ITPR2: variants seen among roughly 807,000 people sequenced by gnomAD.
ITPR2 encodes the protein inositol 1,4,5-trisphosphate-gated calcium channel ITPR2.
In ITPR2, 207 loss-of-function variants were observed where a neutral mutation model predicts 317.1. The ratio of observed to expected loss-of-function variants is 0.65; its 90% CI spans 0.58 to 0.73. The LOEUF is 0.73. Ranked by LOEUF, ITPR2 falls within the 30% of genes least tolerant of loss-of-function variation. ITPR2 has a pLI of 0.00. For missense variants in ITPR2, 2,613 were observed against 3,284.0 expected, an observed-to-expected ratio of 0.80 and a Z score of 4.99; for synonymous variants, 1,156 against 1,149.1, an observed-to-expected ratio of 1.01 and a Z score of -0.12.
intron 45 of ITPR2, among the ~76,000 whole-genome samples, chr12:26,473,499 G>A (rs1361097419): frequency 6.6e-6 from 1 of 152,166 alleles, no homozygotes; most frequent in African/African-American, 2.4e-5. Context: ...AGACTATCTT[G>A]CAGTCAAGAA....
At chr12:26,757,022 C>T (rs1331823632) in intron 2 of ITPR2, among the ~76,000 whole-genome samples, 1 of 152,218 alleles carries the variant, frequency 6.6e-6, no homozygotes, top group Non-Finnish European at 1.5e-5. Context: ...CTCACTGCTA[C>T]ATTTCCACCA....
rs768272850 is a variant in ITPR2 at position 26,561,935 on chromosome 12, C to G, written c.4648G>C (p.Ala1550Pro). ...LAEVAKNRGI[A>P]IPVDLDSQVN... ...TGGCTGTCCAAATCCACTGGAATGG[C>G]AATTCCACGATTTTTTGCTGAAAAA... Residue 1550 changes from alanine to proline, a missense_variant, in exon 35 of 57, where the codon GCC becomes CCC. Physicochemically the swap from Ala to Pro is conservative, Grantham distance 27. Coordinates refer to ENST00000381340, the MANE Select transcript of ITPR2 (RefSeq NM_002223.4). The G allele has an allele frequency of 2.6e-6, 4 of 1,516,472 alleles. No homozygotes were observed. In the East Asian group the frequency reaches 1.0e-4, roughly 38 times the overall value. The allele number at this position is 1,516,472 out of a possible 1,614,324, so 93.9% of individuals were successfully genotyped here.
At chr12:26,464,720 T>C (rs561921514) in intron 45 of ITPR2, among the ~76,000 whole-genome samples, 1 of 152,266 alleles carries the variant, frequency 6.6e-6, no homozygotes, top group Admixed American at 6.5e-5. Context: ...TGGAGTCTGG[T>C]GGAGGAGACA....
intron 2 of ITPR2, among the ~76,000 whole-genome samples, chr12:26,748,617 G>GTT: frequency 6.8e-6 from 1 of 146,604 alleles, no homozygotes; most frequent in Non-Finnish European, 1.5e-5. Context: ...ATATCCACTG[G>GTT]GTGTCTCATT....
intron 45 of ITPR2, among the ~76,000 whole-genome samples, chr12:26,469,556 T>C (rs1277373199): frequency 6.6e-6 from 1 of 152,148 alleles, no homozygotes; most frequent in Non-Finnish European, 1.5e-5. Flanking sequence ...TTCACCAGGA[T>C]CTATTCTTAT....
At chr12:26,713,413 C>T (rs1948684543) in intron 8 of ITPR2, among the ~76,000 whole-genome samples, 1 of 152,106 alleles carries the variant, frequency 6.6e-6, no homozygotes, top group Non-Finnish European at 1.5e-5. Context: ...TATAAACTGG[C>T]AATACTTTAG....
At chr12:26,632,259 T>TA (rs1349939538) in intron 21 of ITPR2, among the ~76,000 whole-genome samples, 200 bp from the exon 22 acceptor site, 1 of 152,246 alleles carries the variant, frequency 6.6e-6, no homozygotes, top group Non-Finnish European at 1.5e-5. Flanking sequence ...TGACAACTTT[T>TA]AAAAATGGAA....
At chr12:26,527,193 T>G (rs112416190) in intron 37 of ITPR2, among the ~76,000 whole-genome samples, 1 of 152,194 alleles carries the variant, frequency 6.6e-6, no homozygotes. Flanking sequence ...GCAGGTAGTA[T>G]AGGGTACATT....
chr12:26,757,779 C>T (rs1381498398), intron 2 of ITPR2, among the ~76,000 whole-genome samples: 4 of 152,152 alleles, frequency 2.6e-5, no homozygotes, highest in African/African-American at 9.7e-5. Flanking sequence ...AACCGTTATT[C>T]TTTCTCTCTC....
At chr12:26,430,216 T>C (rs1385721894) in intron 48 of ITPR2, among the ~76,000 whole-genome samples, 1 of 152,222 alleles carries the variant, frequency 6.6e-6, no homozygotes, top group Non-Finnish European at 1.5e-5. Context: ...GGTTTCTATC[T>C]GAAGATTCAA....
intron 10 of ITPR2, among the ~76,000 whole-genome samples, chr12:26,692,784 T>C (rs1471509713): frequency 6.6e-6 from 1 of 151,904 alleles, no homozygotes; most frequent in Non-Finnish European, 1.5e-5. Flanking sequence ...TAAATGTTTC[T>C]AAATTACAAA....
At chr12:26,455,414 T>C (rs1054820842) in intron 45 of ITPR2, among the ~76,000 whole-genome samples, 1 of 144,818 alleles carries the variant, frequency 6.9e-6, no homozygotes, top group African/African-American at 2.6e-5. Context: ...AGTGAGAGAA[T>C]TACTGCTCAA....
rs1487529729 is a variant in ITPR2 at position 26,400,215 on chromosome 12, A to G, written c.7443T>C (p.Thr2481=). 5.0e-6 allele frequency: 8 copies of G among 1,602,566 alleles called. No individual in the cohort carries two copies. Among genetic ancestry groups the G allele is most frequent in the South Asian group, 3.4e-5 (3 of 88,998 alleles). The change falls in exon 53 of 57, where the codon ACT becomes ACC. Residue 2481 remains threonine, a synonymous_variant. Coordinates refer to ENST00000381340, the MANE Select transcript of ITPR2 (RefSeq NM_002223.4). ...GCACGGTGACAATGCACATAAGGAGAGTGTCACACGTCCTTTCAATTCCAT... is the reference window on the plus strand; with the variant it reads ...GCACGGTGACAATGCACATAAGGAGGGTGTCACACGTCCTTTCAATTCCAT... ...YEDGIERTCD[T]LLMCIVTVLN...
chr12:26,560,770 T>C (rs1944795404), intron 35 of ITPR2, among the ~76,000 whole-genome samples: 1 of 152,236 alleles, frequency 6.6e-6, no homozygotes, highest in African/African-American at 2.4e-5. Context: ...AGGTTTCTCA[T>C]ACTCTCTGAA....
intron 54 of ITPR2, among the ~76,000 whole-genome samples, chr12:26,395,276 G>C (rs892024452): frequency 3.9e-5 from 6 of 152,092 alleles, no homozygotes; most frequent in African/African-American, 4.8e-5. Flanking sequence ...AGAATAAAAG[G>C]TCAGCGGGAA....
At chr12:26,779,277 G>C (rs984250159) in intron 2 of ITPR2, among the ~76,000 whole-genome samples, 2 of 152,230 alleles carry the variant, frequency 1.3e-5, no homozygotes, top group Non-Finnish European at 2.9e-5. Flanking sequence ...TGGAGAGACA[G>C]CTCTTGGTCT....
chr12:26,536,437 G>A (rs1406767703), intron 37 of ITPR2, among the ~76,000 whole-genome samples: 1 of 152,102 alleles, frequency 6.6e-6, no homozygotes, highest in East Asian at 1.9e-4. Flanking sequence ...TGAAATCTGA[G>A]GTGAATAAGA....
In ITPR2 at chr12:26,621,132, C is replaced by A; in HGVS notation, c.3453G>T (p.Glu1151Asp). 1.2e-6 allele frequency: 2 copies of A among 1,612,324 alleles called. No homozygotes were observed. The highest frequency in any genetic ancestry group is 2.7e-5 in the African/African-American group (2 of 74,956). Residue 1151 changes from glutamate (E) to aspartate (D), a missense_variant, in exon 26 of 57, where the codon GAG becomes GAT. Around this residue, in one of 9 missense-constraint regions of ITPR2, gnomAD observed 817 missense variants for 897.6 expected, o/e 0.91. Coordinates refer to ENST00000381340, the MANE Select transcript of ITPR2 (RefSeq NM_002223.4). ...AGATCTTGAAACGAACCTCAATTGG[C>A]TCTTCACCACCTTTCACTTGACTTT... Reference protein sequence around the residue: ...IGESQVKGGEEPIEESNILSP... With the variant: ...IGESQVKGGEDPIEESNILSP...
chr12:26,667,208 A>C (rs764020759), intron 13 of ITPR2, among the ~76,000 whole-genome samples: 5 of 152,244 alleles, frequency 3.3e-5, no homozygotes, highest in Non-Finnish European at 5.9e-5. Context: ...ATTCAGTTGG[A>C]AAACATCTCT....
Sources: gnomAD v4.1 joint callset for allele counts (sites outside exome capture counted in the v4.1 genomes callset) on GRCh38, gnomAD v4.1.1 for gene constraint, gnomAD v4.1.1 regional missense constraint, MANE v1.5 for transcripts, NCBI Gene and HGNC (gene_info 2026-07-23, HGNC 2026-07-21) for gene names.